The following EPB41L3 variants were observed in gnomAD, a reference collection of about 807,000 sequenced individuals.
EPB41L3 encodes band 4.1-like protein 3.
Under a neutral mutation model 127.1 loss-of-function variants are expected in EPB41L3, and 57 were observed. The observed-to-expected ratio is 0.45, with a 90% confidence interval of 0.36 to 0.56. The LOEUF is 0.56. Among genes scored for constraint, EPB41L3 ranks in the 20% least tolerant of loss-of-function variants. The probability of loss-of-function intolerance (pLI) is 0.00; values close to 1 mark genes in which losing one functional copy is unlikely to be tolerated. For synonymous variants in EPB41L3, 572 were observed against 549.5 expected, an observed-to-expected ratio of 1.04 and a Z score of -0.57; for missense variants, 1,273 against 1,372.2, an observed-to-expected ratio of 0.93 and a Z score of 1.14.
chr18:5,423,603 A>G (rs2077750871), intron 10 of EPB41L3, 50 bp from the exon 11 acceptor site: 3 of 1,509,018 alleles, frequency 2.0e-6, no homozygotes, highest in Admixed American at 2.1e-5. Context: ...TCCAATATTG[A>G]GAGTGCTTTT....
chr18:5,517,545 T>C (rs1449624053), intron 1 of EPB41L3, among the ~76,000 whole-genome samples: 2 of 152,044 alleles, frequency 1.3e-5, no homozygotes, highest in Non-Finnish European at 2.9e-5. Flanking sequence ...CAAGCGATTC[T>C]CCACCTCAGC....
chr18:5,538,972 G>A (rs555853784), intron 1 of EPB41L3, among the ~76,000 whole-genome samples: 1 of 149,068 alleles, frequency 6.7e-6, no homozygotes, highest in East Asian at 2.0e-4. Context: ...TAAAGCAGCA[G>A]TGCTTTTTAA....
chr18:5,395,717 C>G lies in EPB41L3; in HGVS notation c.2974-10G>C. 6.2e-7 allele frequency: 1 copy of G among 1,612,410 alleles called. No individual in the cohort carries two copies. Among genetic ancestry groups the G allele is most frequent in the Non-Finnish European group, 8.5e-7 (1 of 1,178,500 alleles). On this transcript the variant is annotated splice_polypyrimidine_tract_variant and intron_variant, in intron 19 of 22. Coordinates refer to ENST00000341928, the MANE Select transcript of EPB41L3 (RefSeq NM_012307.5). ...CTGTGCCTGGATCGACCTAAAGCAG[C>G]AGAGGCATAGACCCCTCATCCAGGT...
intron 2 of EPB41L3, among the ~76,000 whole-genome samples, chr18:5,613,093 G>A (rs1298543226): frequency 1.3e-5 from 2 of 152,142 alleles, no homozygotes; most frequent in African/African-American, 4.8e-5. Flanking sequence ...TGGCATCCAT[G>A]GGTCTCTTTT....
intron 11 of EPB41L3, among the ~76,000 whole-genome samples, chr18:5,421,698 C>G (rs150434965): frequency 3.3e-5 from 5 of 152,132 alleles, no homozygotes; most frequent in Non-Finnish European, 7.3e-5. Context: ...GGTCATTATT[C>G]TACATGAAGT....
chr18:5,591,464 T>A (rs958283703), intron 3 of EPB41L3, among the ~76,000 whole-genome samples: 7 of 152,190 alleles, frequency 4.6e-5, no homozygotes, highest in Non-Finnish European at 8.8e-5. Flanking sequence ...ATAAAGGCAC[T>A]AATCTCATTT....
At chr18:5,616,090 T>C (rs1205245956) in intron 1 of EPB41L3, among the ~76,000 whole-genome samples, 1 of 152,180 alleles carries the variant, frequency 6.6e-6, no homozygotes, top group African/African-American at 2.4e-5. Flanking sequence ...AGGAGGATTA[T>C]AGTTGCCTTC....
chr18:5,513,265 T>C (rs2092616513), intron 1 of EPB41L3, among the ~76,000 whole-genome samples: 1 of 152,216 alleles, frequency 6.6e-6, no homozygotes, highest in Non-Finnish European at 1.5e-5. Flanking sequence ...ATTTGAGCGT[T>C]GCTACAGCAG....
chr18:5,495,777 T>C (rs1024774730), intron 1 of EPB41L3, among the ~76,000 whole-genome samples: 4 of 152,224 alleles, frequency 2.6e-5, no homozygotes, highest in African/African-American at 9.6e-5. Context: ...CTCTGCCATA[T>C]GCTCTGTGAC....
At chr18:5,602,804 T>C (rs2094605558) in intron 3 of EPB41L3, among the ~76,000 whole-genome samples, 1 of 152,176 alleles carries the variant, frequency 6.6e-6, no homozygotes, top group Admixed American at 6.5e-5. Context: ...AGGTAACCGA[T>C]GTTTAAAGAT....
In EPB41L3 at chr18:5,542,866, G is replaced by C. The variant is rs752317795; in HGVS notation, c.-12+1047C>G. Among the ~76,000 whole-genome samples the C allele has an allele frequency of 3.3e-4, 51 of 152,302 alleles. 1 individual carries two copies. Among genetic ancestry groups the C allele is most frequent in the Middle Eastern group, 6.8e-3 (2 of 294 alleles). On this transcript the variant is annotated intron_variant, in intron 1 of 22. Transcript: ENST00000341928. ...GAACTTGGCGGGCGTGGGGGGGAAG[G>C]GGAAGAAGTCCGGCGAGATTAGAGG...
At chr18:5,552,573 A>T (rs1426659954) in intron 3 of EPB41L3, among the ~76,000 whole-genome samples, 1 of 152,156 alleles carries the variant, frequency 6.6e-6, no homozygotes, top group African/African-American at 2.4e-5. Flanking sequence ...TATGAATTGG[A>T]TCTAGCGATT....
intron 3 of EPB41L3, among the ~76,000 whole-genome samples, chr18:5,594,467 T>A (rs1265638975): frequency 6.6e-6 from 1 of 152,198 alleles, no homozygotes; most frequent in East Asian, 1.9e-4. Context: ...TCTGAAGGCC[T>A]TGCATTGTAA....
intron 3 of EPB41L3, among the ~76,000 whole-genome samples, chr18:5,600,582 C>T (rs1156848767): frequency 6.6e-6 from 1 of 151,906 alleles, no homozygotes; most frequent in African/African-American, 2.4e-5. Context: ...TAGGTGGAGC[C>T]CCTTGTCCAA....
At chr18:5,433,737 C>T (rs144399097) in intron 7 of EPB41L3, among the ~76,000 whole-genome samples, 166 bp downstream of exon 7, 1 of 152,314 alleles carries the variant, frequency 6.6e-6, no homozygotes, top group East Asian at 1.9e-4. Context: ...CACCTGGATG[C>T]TCTGAGTGAG....
intron 1 of EPB41L3, among the ~76,000 whole-genome samples, chr18:5,497,937 G>A (rs897929724): frequency 6.6e-5 from 10 of 152,142 alleles, no homozygotes; most frequent in Middle Eastern, 3.2e-3. Flanking sequence ...GAGAATTTTA[G>A]TCTCCGTAAA....
At chr18:5,477,003 A>T (rs745371761) in intron 3 of EPB41L3, among the ~76,000 whole-genome samples, 1 of 152,198 alleles carries the variant, frequency 6.6e-6, no homozygotes, top group Non-Finnish European at 1.5e-5. Context: ...TTGATGTAAG[A>T]CTTTATTTTC....
chr18:5,418,557 G>A (rs2077091089), intron 12 of EPB41L3, among the ~76,000 whole-genome samples: 1 of 152,094 alleles, frequency 6.6e-6, no homozygotes, highest in African/African-American at 2.4e-5. Flanking sequence ...TGAACAGACA[G>A]GAAGAGTGTA....
chr18:5,586,554 C>T lies in EPB41L3; in HGVS notation c.-306+25786G>A, dbSNP rs148143491. 3.0e-3 allele frequency among the ~76,000 whole-genome samples: 443 copies of T among 147,362 alleles called. 18 individuals are homozygous for T. In the East Asian group the frequency reaches 0.069, roughly 23 times the overall value. ...AGCTGGGACCACAGATGTGCACCAC[C>T]ATACATGACTATTTTTTTTTTTTTT... On this transcript the variant is annotated intron_variant, in intron 3 of 21. Coordinates refer to the EPB41L3 transcript ENST00000545076.
Sources: allele counts gnomAD v4.1 joint callset (sites outside exome capture counted in the v4.1 genomes callset), GRCh38; gene constraint gnomAD v4.1.1; transcripts MANE v1.5; gene names NCBI Gene and HGNC (gene_info 2026-07-23, HGNC 2026-07-21).